SHISAL1: variants seen among roughly 807,000 people sequenced by gnomAD.
The protein encoded by SHISAL1 is shisa like 1.
SHISAL1 carries 9 observed loss-of-function variants against 22.6 expected under a neutral mutation model. The ratio of observed to expected loss-of-function variants is 0.40; its 90% CI spans 0.24 to 0.70. The LOEUF (loss-of-function observed/expected upper bound fraction) is 0.70, where lower values mean the gene tolerates loss of function less well. Ranked by LOEUF, SHISAL1 falls within the 30% of genes least tolerant of loss-of-function variation. The probability of loss-of-function intolerance (pLI) is 0.39; values close to 1 mark genes in which losing one functional copy is unlikely to be tolerated. For missense variants in SHISAL1, 246 were observed against 270.6 expected (o/e 0.91, Z 0.64); for synonymous variants, 119 against 115.4 (o/e 1.03, Z -0.20).
intron 2 of SHISAL1, 24 bp from the exon 3 acceptor site, chr22:44,296,909 C>T: frequency 6.3e-7 from 1 of 1,592,228 alleles, no homozygotes; most frequent in Non-Finnish European, 8.6e-7. Flanking sequence ...TCACCAGGCT[C>T]AGAGGGGTCC....
At chr22:44,300,053 A>G (rs969310297) in intron 2 of SHISAL1, among the ~76,000 whole-genome samples, 1 of 152,068 alleles carries the variant, frequency 6.6e-6, no homozygotes, top group Non-Finnish European at 1.5e-5. Flanking sequence ...AGACAGAGAG[A>G]CAGAGACAGA....
intron 4 of SHISAL1, among the ~76,000 whole-genome samples, chr22:44,260,318 G>A (rs1233638744): frequency 6.6e-6 from 1 of 152,202 alleles, no homozygotes; most frequent in African/African-American, 2.4e-5. Context: ...CTTGTGTTCG[G>A]TTACGGCCTG....
chr22:44,257,174 T>G (rs77782627), intron 4 of SHISAL1, among the ~76,000 whole-genome samples: 4,073 of 152,326 alleles, frequency 0.027, 81 homozygotes, highest in Middle Eastern at 0.044. Flanking sequence ...ATGGTACAGA[T>G]GCCCACATCC....
intron 4 of SHISAL1, among the ~76,000 whole-genome samples, chr22:44,279,376 C>T (rs1419377321): frequency 2.0e-5 from 3 of 152,266 alleles, no homozygotes; most frequent in Non-Finnish European, 4.4e-5. Flanking sequence ...TTTGATGTTA[C>T]GCCAAGGAAA....
intron 4 of SHISAL1, among the ~76,000 whole-genome samples, chr22:44,283,371 G>A (rs1411078555): frequency 6.6e-6 from 1 of 152,254 alleles, no homozygotes; most frequent in Non-Finnish European, 1.5e-5. Flanking sequence ...ATCCCTGCAG[G>A]CTTGGCAAGC....
rs1601803615 is a variant in SHISAL1 at position 44,302,970 on chromosome 22, G to A, written c.-32-1993C>T. Among the ~76,000 whole-genome samples the A allele has an allele frequency of 2.0e-5, 3 of 152,056 alleles. No homozygotes were observed. The South Asian group carries it at 6.2e-4, about 31-fold the overall frequency. ...AGACCCTGGGGTTGGGGTATCAGCA[G>A]GGCCACTAGAGACAGGGCTTTGGGC... On this transcript the variant is annotated intron_variant, in intron 1 of 4. Transcript: ENST00000381176.
chr22:44,301,047 C>T (rs977766030), intron 1 of SHISAL1, 70 bp from the exon 2 acceptor site: 10 of 1,091,996 alleles, frequency 9.2e-6, no homozygotes, highest in African/African-American at 3.1e-5. Flanking sequence ...CTGCCCACAG[C>T]GGGGGACGGG....
chr22:44,276,768 C>T, intron 4 of SHISAL1, among the ~76,000 whole-genome samples: 2 of 151,920 alleles, frequency 1.3e-5, no homozygotes, highest in East Asian at 3.9e-4. Context: ...GGGAGAGAGA[C>T]CAGGGAGAAA....
intron 4 of SHISAL1, among the ~76,000 whole-genome samples, chr22:44,256,818 C>T (rs781232221): frequency 6.6e-6 from 1 of 152,096 alleles, no homozygotes; most frequent in Non-Finnish European, 1.5e-5. Context: ...CTCAACTCTA[C>T]AGAAATCAGG....
chr22:44,293,577 C>A (rs2055367356), intron 3 of SHISAL1, among the ~76,000 whole-genome samples: 1 of 152,162 alleles, frequency 6.6e-6, no homozygotes, highest in Admixed American at 6.5e-5. Context: ...GTAGGATCTG[C>A]CTCTGTTGGT....
chr22:44,316,890 G>T (rs982197028), upstream of SHISAL1, among the ~76,000 whole-genome samples: 3 of 152,234 alleles, frequency 2.0e-5, no homozygotes, highest in Admixed American at 2.0e-4. Context: ...GGGGGTTGCT[G>T]CCTAGAGAGT....
chr22:44,289,495 T>TGTGTGTGTGTGTGTGTGTGTGTGTGTG (rs369474296), intron 3 of SHISAL1, among the ~76,000 whole-genome samples: 1 of 149,634 alleles, frequency 6.7e-6, no homozygotes, highest in African/African-American at 2.5e-5. Flanking sequence ...TGTGTGTGTG[T>TGTGTGTGTGTGTGTGTGTGTGTGTGTG]TTACTGCCGG....
At chr22:44,249,992 G>C (rs2055036147) in intron 4 of SHISAL1, among the ~76,000 whole-genome samples, 1 of 152,166 alleles carries the variant, frequency 6.6e-6, no homozygotes, top group African/African-American at 2.4e-5. Flanking sequence ...AAATTTAACA[G>C]AATCAACAGG....
intron 4 of SHISAL1, among the ~76,000 whole-genome samples, chr22:44,279,934 C>T (rs527427019): frequency 6.6e-6 from 1 of 152,316 alleles, no homozygotes; most frequent in East Asian, 1.9e-4. Context: ...GATTTGGATA[C>T]CCCTTAAGAT....
In SHISAL1 at chr22:44,285,362, C is replaced by T. The variant is rs768849809; in HGVS notation, c.599+66G>A. On this transcript the variant is annotated intron_variant, in intron 4 of 4. Transcript: ENST00000381176. Reference sequence around the variant, plus strand: ...CCAAACACTATGGCGAGAGTGATGGCGTATTCTCCAAGCTCTCCAAAGACA... The same window carrying T: ...CCAAACACTATGGCGAGAGTGATGGTGTATTCTCCAAGCTCTCCAAAGACA... 10 of 1,495,782 alleles carry T rather than the reference C, an allele frequency of 6.7e-6. No individual in the cohort carries two copies. In the East Asian group the frequency reaches 6.8e-5, roughly 10 times the overall value. The allele number at this position is 1,495,782 out of a possible 1,614,324, so 92.7% of individuals were successfully genotyped here.
chr22:44,285,829 A>C, intron 3 of SHISAL1, 84 bp from the exon 4 acceptor site: 1 of 1,187,474 alleles, frequency 8.4e-7, no homozygotes, highest in Non-Finnish European at 1.2e-6. Flanking sequence ...TGATTAGAGA[A>C]TGTGTCCTGG....
At position 44,247,191 on chromosome 22, in the gene SHISAL1, G is replaced by C. The variant is rs1298214757; in HGVS notation, c.*2494C>G. 1 of 152,258 alleles carries C rather than the reference G, an allele frequency of 6.6e-6. No individual in the cohort carries two copies. Among genetic ancestry groups the C allele is most frequent in the South Asian group, 2.1e-4 (1 of 4,824 alleles). The allele number at this position is 152,258 out of a possible 1,614,324, so 9.4% of individuals were successfully genotyped here. ...GAAGCACCTACAGAGCATTGTCCAGGACAGCAGGACACGAGGGTTGCAAAC... is the reference window on the plus strand; with the variant it reads ...GAAGCACCTACAGAGCATTGTCCAGCACAGCAGGACACGAGGGTTGCAAAC... On this transcript the variant is annotated 3_prime_UTR_variant, in exon 5 of 5. Transcript: ENST00000381176.
At chr22:44,291,355 C>T (rs80323275) in intron 3 of SHISAL1, among the ~76,000 whole-genome samples, 2,208 of 152,308 alleles carry the variant, frequency 0.014, 69 homozygotes, top group African/African-American at 0.051. Flanking sequence ...CCAGGATGAC[C>T]GATACGGCTG....
chr22:44,265,234 A>C (rs988373988), intron 4 of SHISAL1, among the ~76,000 whole-genome samples: 32 of 152,180 alleles, frequency 2.1e-4, no homozygotes, highest in Non-Finnish European at 4.7e-4. Flanking sequence ...CGCTTGTAAC[A>C]AATGGGTAGA....
Sources: allele counts gnomAD v4.1 joint callset (sites outside exome capture counted in the v4.1 genomes callset), GRCh38; gene constraint gnomAD v4.1.1; transcripts MANE v1.5; gene names NCBI Gene and HGNC (gene_info 2026-07-23, HGNC 2026-07-21).